The following DDX60 variants were observed in gnomAD, a reference collection of about 807,000 sequenced individuals.
The protein encoded by DDX60 is DExD/H-box helicase 60.
A neutral mutation model predicts 212.8 loss-of-function variants in DDX60; 165 were observed. The ratio of observed to expected loss-of-function variants is 0.78; its 90% CI spans 0.68 to 0.88. The LOEUF (loss-of-function observed/expected upper bound fraction) is 0.88, where lower values mean the gene tolerates loss of function less well. Ranked by LOEUF, DDX60 falls within the 40% of genes least tolerant of loss-of-function variation. The pLI is 0.00. For missense variants in DDX60, 1,905 were observed against 2,003.9 expected, an observed-to-expected ratio of 0.95 and a Z score of 0.94; for synonymous variants, 703 against 685.3, an observed-to-expected ratio of 1.03 and a Z score of -0.40.
At position 168,288,291 on chromosome 4, in the gene DDX60, A is replaced by G; in HGVS notation, c.1066T>C (p.Leu356=). Residue 356 remains leucine (L), a synonymous_variant, in exon 9 of 38, where the codon TTA becomes CTA. Coordinates refer to ENST00000393743, the MANE Select transcript of DDX60 (RefSeq NM_017631.6). The part of the protein sequence containing the change: ...QMKKWCEYFI[L]RNIHTFEFWN... ...AATTCAAAAGTATGTATATTTCTTAAGATGAAATATTCACACCACTTTTTC... is the reference window on the plus strand; with the variant it reads ...AATTCAAAAGTATGTATATTTCTTAGGATGAAATATTCACACCACTTTTTC... The G allele has an allele frequency of 6.7e-7, 1 of 1,484,250 alleles. No individual in the cohort carries two copies. Among genetic ancestry groups the G allele is most frequent in the South Asian group, 1.2e-5 (1 of 81,834 alleles). 91.9% of individuals were successfully genotyped at this position (1,484,250 alleles called of 1,614,324 possible).
At chr4:168,237,460 T>C in intron 31 of DDX60, 33 bp from the exon 32 acceptor site, 6 of 1,524,660 alleles carry the variant, frequency 3.9e-6, no homozygotes, top group Non-Finnish European at 5.3e-6. Context: ...TTAGTTTGAC[T>C]CAAGTCACCA....
At position 168,291,839 on chromosome 4, in the gene DDX60, A is replaced by C. The variant is rs2149535417; in HGVS notation, c.950T>G (p.Val317Gly). The stretch of plus-strand genomic sequence containing the variant: ...AGAAAGAGGCAGATGGAGTAGAAAA[A>C]CCACAGTGAGACAATGCAGTTTACA... ...DLCKLHCLTV[V>G]FLLHLPLSQR... The change falls in exon 8 of 38, where the codon GTT becomes GGT. Residue 317 changes from valine to glycine, a missense_variant. Coordinates refer to ENST00000393743, the MANE Select transcript of DDX60 (RefSeq NM_017631.6). The C allele has an allele frequency of 6.2e-7, 1 of 1,613,812 alleles. No homozygotes were observed. The highest frequency in any genetic ancestry group is 1.1e-5 in the South Asian group (1 of 91,032).
Position 168,276,127 on chromosome 4 carries a change from G to C in DDX60, c.2033C>G (p.Ser678Cys), listed in dbSNP as rs776694456. Residue 678 changes from serine to cysteine, a missense_variant, in exon 15 of 38, where the codon TCC becomes TGC. Physicochemically the swap from Ser to Cys is moderately radical, Grantham distance 112. Transcript: ENST00000393743. ...AAGTTCTGAGTATTTTTCCATCAAG[G>C]AGTGGATCCTTTTCATCACCTGAAC... Reference protein sequence around the residue: ...IAVQVMKRIHSLMEKYSELLQ... With the variant: ...IAVQVMKRIHCLMEKYSELLQ... 3.1e-5 allele frequency: 50 copies of C among 1,613,340 alleles called. No individual in the cohort carries two copies. The highest frequency in any genetic ancestry group is 4.2e-5 in the Non-Finnish European group (49 of 1,179,574).
chr4:168,222,028 A>G, intron 35 of DDX60, 147 bp from the exon 36 acceptor site: 2 of 805,690 alleles, frequency 2.5e-6, no homozygotes, highest in Non-Finnish European at 3.8e-6. Context: ...TTAGCCACAC[A>G]TTGTGGTAGC....
At chr4:168,231,461 C>G (rs77757616) in intron 33 of DDX60, among the ~76,000 whole-genome samples, 1 of 150,896 alleles carries the variant, frequency 6.6e-6, no homozygotes, top group African/African-American at 2.4e-5. Context: ...CGCAAAAACC[C>G]TCAACAAAAT....
chr4:168,242,631 T>A (rs371492833), intron 30 of DDX60, among the ~76,000 whole-genome samples: 3 of 152,202 alleles, frequency 2.0e-5, no homozygotes, highest in Non-Finnish European at 4.4e-5. Context: ...ATGTACCCAA[T>A]GCCTGTACCC....
intron 33 of DDX60, among the ~76,000 whole-genome samples, chr4:168,226,144 G>T (rs982471643): frequency 3.3e-5 from 5 of 152,046 alleles, no homozygotes; most frequent in African/African-American, 4.8e-5. Context: ...TGAAAGAGAA[G>T]TATCTCTAAT....
At chr4:168,259,247 G>GA (rs1189473819) in intron 25 of DDX60, among the ~76,000 whole-genome samples, 2 of 152,166 alleles carry the variant, frequency 1.3e-5, no homozygotes, top group Admixed American at 1.3e-4. Context: ...ATGAAGGTAT[G>GA]AATAATAAAC....
chr4:168,268,815 T>G (rs757786626), intron 20 of DDX60, 39 bp downstream of exon 20: 3 of 1,127,796 alleles, frequency 2.7e-6, no homozygotes, highest in Admixed American at 2.3e-5. Flanking sequence ...ATATTCAAAA[T>G]AGATAAACAC....
chr4:168,266,773 A>G (rs1396479847), intron 22 of DDX60, among the ~76,000 whole-genome samples: 3 of 152,220 alleles, frequency 2.0e-5, no homozygotes, highest in African/African-American at 7.2e-5. Context: ...AGAGACTTGG[A>G]AAGATCAAAA....
chr4:168,262,266 C>CT, intron 23 of DDX60, 138 bp from the exon 24 acceptor site: 1 of 869,908 alleles, frequency 1.1e-6, no homozygotes, highest in South Asian at 2.0e-5. Flanking sequence ...CACATGGCTT[C>CT]TAATGCATAA....
At chr4:168,268,113 A>T in intron 20 of DDX60, 130 bp from the exon 21 acceptor site, 1 of 675,078 alleles carries the variant, frequency 1.5e-6, no homozygotes, top group Non-Finnish European at 2.3e-6. Context: ...CAGAAGCCAG[A>T]CTACCTGAAA....
intron 30 of DDX60, 24 bp from the exon 31 acceptor site, chr4:168,237,819 G>A: frequency 6.5e-7 from 1 of 1,533,356 alleles, no homozygotes; most frequent in Non-Finnish European, 8.9e-7. Flanking sequence ...AGTATTTTTA[G>A]ACACACAATG....
At chr4:168,297,291 G>A (rs534689952) in intron 6 of DDX60, among the ~76,000 whole-genome samples, 26 of 114,942 alleles carry the variant, frequency 2.3e-4, no homozygotes, top group African/African-American at 9.8e-4. Context: ...GAAAGAGAGA[G>A]AGAGACGAAA....
At chr4:168,250,525 CTTTT>C (rs59885639) in intron 28 of DDX60, among the ~76,000 whole-genome samples, 2 of 138,056 alleles carry the variant, frequency 1.4e-5, no homozygotes, top group Non-Finnish European at 1.6e-5. Flanking sequence ...GATATCATGA[CTTTT>C]TTTTTTTTTT....
At chr4:168,222,498 A>C (rs921047371) in intron 35 of DDX60, among the ~76,000 whole-genome samples, 2 of 152,118 alleles carry the variant, frequency 1.3e-5, no homozygotes, top group Non-Finnish European at 2.9e-5. Flanking sequence ...AACTAAGAAA[A>C]TTCATACATA....
intron 30 of DDX60, among the ~76,000 whole-genome samples, chr4:168,243,958 C>G (rs1388056113): frequency 6.6e-6 from 1 of 152,086 alleles, no homozygotes; most frequent in Non-Finnish European, 1.5e-5. Context: ...TTTGTTGGGA[C>G]ATGGATGGAG....
intron 30 of DDX60, among the ~76,000 whole-genome samples, chr4:168,238,780 G>A (rs539359587): frequency 1.3e-5 from 2 of 152,156 alleles, no homozygotes; most frequent in Admixed American, 6.6e-5. Context: ...AATCCTGATA[G>A]CATTGCATAC....
Position 168,232,331 on chromosome 4 carries a change from C to T in DDX60, c.4533+3921G>A, listed in dbSNP as rs893753283. On this transcript the variant is annotated intron_variant, in intron 33 of 37. Transcript: ENST00000393743. ...AATTCAATTCCCATCAAAATACCAA[C>T]ATCATTCTTCACAGAACTAGAAAAA... Among the ~76,000 whole-genome samples the T allele has an allele frequency of 6.6e-5, 10 of 151,906 alleles. 1 individual carries two copies. The highest frequency in any genetic ancestry group is 2.1e-4 in the South Asian group (1 of 4,830).
Sources: gnomAD v4.1 joint callset for allele counts (sites outside exome capture counted in the v4.1 genomes callset) on GRCh38, gnomAD v4.1.1 for gene constraint, MANE v1.5 for transcripts, NCBI Gene and HGNC (gene_info 2026-07-23, HGNC 2026-07-21) for gene names.